The following IRAG1 variants were observed in gnomAD, a reference collection of about 807,000 sequenced individuals.
IRAG1 encodes the protein IP3R-associated cGMP kinase substrate.
Under a neutral mutation model 106.2 loss-of-function variants are expected in IRAG1, and 62 were observed. The observed-to-expected ratio is 0.58, with a 90% CI of 0.48 to 0.72. The LOEUF (loss-of-function observed/expected upper bound fraction) is 0.72, where lower values mean the gene tolerates loss of function less well. Ranked by LOEUF, IRAG1 falls within the 30% of genes least tolerant of loss-of-function variation. The pLI, the probability that IRAG1 is intolerant of heterozygous loss-of-function variation, is 0.00. For missense variants in IRAG1, 1,064 were observed against 1,140.7 expected (o/e 0.93, Z 0.97); for synonymous variants, 462 against 443.9 (o/e 1.04, Z -0.51).
chr11:10,644,427 G>A (rs954747095), intron 2 of IRAG1, among the ~76,000 whole-genome samples: 7 of 152,154 alleles, frequency 4.6e-5, no homozygotes, highest in African/African-American at 7.2e-5. Flanking sequence ...GGCTGTTCTT[G>A]CAAAGGATGT....
Position 10,609,786 on chromosome 11 carries a change from G to T in IRAG1, c.1513C>A (p.Pro505Thr). The change falls in exon 11 of 21, where the codon CCT becomes ACT. Residue 505 changes from proline to threonine, a missense_variant. Coordinates refer to ENST00000423302, the MANE Select transcript of IRAG1 (RefSeq NM_130385.4). ...CGCAGCAGCACATCAGAAATATTAG[G>T]CATGACATCTAAGCCACTCTTTGAC... Reference protein sequence around the residue: ...EESKSGLDVMPNISDVLLRKL... With the variant: ...EESKSGLDVMTNISDVLLRKL... 6.2e-7 allele frequency: 1 copy of T among 1,613,868 alleles called. No individual in the cohort carries two copies.
intron 20 of IRAG1, among the ~76,000 whole-genome samples, chr11:10,579,171 C>A (rs989249959): frequency 1.3e-5 from 2 of 152,196 alleles, no homozygotes; most frequent in South Asian, 2.1e-4. Flanking sequence ...GTTCTCCTAA[C>A]GGCTCTTCCC....
rs1319999784 is a variant in IRAG1, at chr11:10,693,745, G to A, written c.-143C>T. On this transcript the variant is annotated 5_prime_UTR_variant, in exon 1 of 21. Coordinates refer to ENST00000423302, the MANE Select transcript of IRAG1 (RefSeq NM_130385.4). Reference sequence around the variant, plus strand: ...GGAGCCCCACTCCGGCCTGGCTCGGGGGATAATGGCAGGGAAAGCCGACCA... The same window carrying A: ...GGAGCCCCACTCCGGCCTGGCTCGGAGGATAATGGCAGGGAAAGCCGACCA... 3.0e-6 allele frequency: 3 copies of A among 985,836 alleles called. No homozygotes were observed. The highest frequency in any genetic ancestry group is 1.5e-6 in the Non-Finnish European group (1 of 679,470). The allele number at this position is 985,836 out of a possible 1,614,324, so 61.1% of individuals were successfully genotyped here. A position where few individuals can be genotyped will look rare whatever the true frequency, so the allele number is the denominator to read the frequency against.
chr11:10,643,175 T>TCAAAAAAA (rs1857663487), intron 2 of IRAG1, among the ~76,000 whole-genome samples: 1 of 8,380 alleles, frequency 1.2e-4, no homozygotes, highest in Non-Finnish European at 2.9e-4. Context: ...AGACTCCGTC[T>TCAAAAAAA]CAAAAAAAAA....
intron 20 of IRAG1, among the ~76,000 whole-genome samples, chr11:10,577,425 G>A (rs532605234): frequency 1.5e-4 from 23 of 151,916 alleles, no homozygotes; most frequent in Middle Eastern, 3.4e-3. Flanking sequence ...AAAAGACACC[G>A]GGCAGATGGC....
intron 2 of IRAG1, among the ~76,000 whole-genome samples, chr11:10,636,349 AT>A (rs922324131): frequency 5.3e-5 from 8 of 149,988 alleles, no homozygotes; most frequent in Non-Finnish European, 8.9e-5. Flanking sequence ...TGACTTAAAA[AT>A]TTTTTTTTTA....
rs1856542050 is a variant in IRAG1 at position 10,629,731 on chromosome 11, T to C, written c.401-20A>G. 6.2e-7 allele frequency: 1 copy of C among 1,609,238 alleles called. No individual in the cohort carries two copies. The highest frequency in any genetic ancestry group is 1.1e-5 in the South Asian group (1 of 90,380). On this transcript the variant is annotated intron_variant, in intron 4 of 20. Transcript: ENST00000423302. ...CGGGGTCTGCAGAAGGAGGATGAGCTGGGGTGAGAGCCACTGCATCCGTGG... is the reference window on the plus strand; with the variant it reads ...CGGGGTCTGCAGAAGGAGGATGAGCCGGGGTGAGAGCCACTGCATCCGTGG...
chr11:10,580,448 T>G lies in IRAG1; in HGVS notation c.2495+7A>C, dbSNP rs763575724. 2 of 1,610,392 alleles carry G rather than the reference T, an allele frequency of 1.2e-6. No homozygotes were observed. Among genetic ancestry groups the G allele is most frequent in the South Asian group, 2.2e-5 (2 of 90,480 alleles). On this transcript the variant is annotated splice_region_variant and intron_variant, in intron 20 of 20. Transcript: ENST00000423302. Reference sequence around the variant, plus strand: ...AACGGCAAGGACTCCAAACACAGGCTTCCCACCTGCTTCTTGGGCCCTTTT... The same window carrying G: ...AACGGCAAGGACTCCAAACACAGGCGTCCCACCTGCTTCTTGGGCCCTTTT...
In IRAG1 at chr11:10,601,120, A is replaced by T. The variant is rs904847738; in HGVS notation, c.1876-61T>A. ...TGGAGGAAAGGCTCCGTTGGCACTT[A>T]TTTGCTCTGACCTAGGGTCTGGGCT... On this transcript the variant is annotated intron_variant, in intron 14 of 20. Coordinates refer to ENST00000423302, the MANE Select transcript of IRAG1 (RefSeq NM_130385.4). 2.6e-5 allele frequency: 41 copies of T among 1,602,136 alleles called. No homozygotes were observed. In the African/African-American group the frequency reaches 5.5e-4, roughly 21 times the overall value.
intron 1 of IRAG1, among the ~76,000 whole-genome samples, chr11:10,681,730 A>G (rs999343574): frequency 2.6e-5 from 4 of 152,204 alleles, no homozygotes; most frequent in African/African-American, 7.2e-5. Context: ...TCTTCATTTC[A>G]GCTTAGGAAG....
At chr11:10,581,188 A>G (rs545644285) in intron 19 of IRAG1, among the ~76,000 whole-genome samples, 23 of 152,288 alleles carry the variant, frequency 1.5e-4, no homozygotes, top group African/African-American at 5.1e-4. Flanking sequence ...CACTTGTCCT[A>G]TGCTGAGTGT....
intron 1 of IRAG1, among the ~76,000 whole-genome samples, chr11:10,679,634 C>T (rs560017247): frequency 6.6e-6 from 1 of 152,302 alleles, no homozygotes; most frequent in African/African-American, 2.4e-5. Flanking sequence ...GAGAGCTTTC[C>T]TTAGCAGTTC....
At chr11:10,623,388 C>T (rs1855985458) in intron 10 of IRAG1, among the ~76,000 whole-genome samples, 1 of 152,226 alleles carries the variant, frequency 6.6e-6, no homozygotes, top group Non-Finnish European at 1.5e-5. Flanking sequence ...CCCAGCAGGG[C>T]AGGGCTGGGG....
chr11:10,625,819 T>C, intron 9 of IRAG1, 147 bp downstream of exon 9: 1 of 761,860 alleles, frequency 1.3e-6, no homozygotes, highest in African/African-American at 1.8e-5. Context: ...TAGGCCTGAC[T>C]TCTCAGAGTG....
chr11:10,604,319 G>A (rs999015383), intron 13 of IRAG1, 86 bp downstream of exon 13: 1 of 1,530,490 alleles, frequency 6.5e-7, no homozygotes, highest in Non-Finnish European at 8.9e-7. Flanking sequence ...GACTATACTT[G>A]GTACCTGAGA....
intron 2 of IRAG1, among the ~76,000 whole-genome samples, chr11:10,640,053 G>C (rs1857408809): frequency 6.6e-6 from 1 of 152,216 alleles, no homozygotes; most frequent in Non-Finnish European, 1.5e-5. Context: ...GGAATGGGGA[G>C]AGAAGGGGAA....
At chr11:10,642,903 G>A (rs1424951529) in intron 2 of IRAG1, among the ~76,000 whole-genome samples, 3 of 151,762 alleles carry the variant, frequency 2.0e-5, no homozygotes, top group Non-Finnish European at 2.9e-5. Flanking sequence ...GGTGGCTCAC[G>A]CCTGTAATCC....
intron 8 of IRAG1, among the ~76,000 whole-genome samples, 193 bp downstream of exon 8, chr11:10,627,523 G>A (rs1856341246): frequency 6.6e-6 from 1 of 151,882 alleles, no homozygotes. Context: ...CCTGAATCCT[G>A]CCTCCCCACC....
At chr11:10,633,179 A>G (rs187910644) in intron 3 of IRAG1, among the ~76,000 whole-genome samples, 1 of 145,556 alleles carries the variant, frequency 6.9e-6, no homozygotes, top group Non-Finnish European at 1.5e-5. Context: ...GGTTCACGCC[A>G]TTCTCCTGCC....
Sources: allele counts gnomAD v4.1 joint callset (sites outside exome capture counted in the v4.1 genomes callset), GRCh38; gene constraint gnomAD v4.1.1; transcripts MANE v1.5; gene names NCBI Gene and HGNC (gene_info 2026-07-23, HGNC 2026-07-21).